Variants in CAMTA1 observed in about 807,000 individuals in gnomAD.
CAMTA1 encodes the protein calmodulin binding transcription activator 1.
In CAMTA1, 27 loss-of-function variants were observed where a neutral mutation model predicts 170.9. The ratio of observed to expected loss-of-function variants is 0.16; its 90% CI spans 0.12 to 0.22. The LOEUF is 0.22. Ranked by LOEUF, CAMTA1 falls within the 10% of genes least tolerant of loss-of-function variation. The probability of loss-of-function intolerance (pLI) is 1.00; values close to 1 mark genes in which losing one functional copy is unlikely to be tolerated. For missense variants in CAMTA1, 1,619 were observed against 2,217.2 expected (o/e 0.73, Z 5.42); for synonymous variants, 833 against 891.5 (o/e 0.93, Z 1.17).
rs1011452408 is a variant in CAMTA1 at position 6,934,145 on chromosome 1, G to A, written c.234+108935G>A. ...ATGAGTGACTGAGGGGCCAGCGCCC[G>A]TGGTCGGCAGAAGGGGAGGTTATTG... On this transcript the variant is annotated intron_variant, in intron 3 of 22. Coordinates refer to ENST00000303635, the MANE Select transcript of CAMTA1 (RefSeq NM_015215.4). The surrounding 1 kb of genome is among the most constrained non-coding windows in gnomAD (Gnocchi z 4.5). Among the ~76,000 whole-genome samples, 10 of 152,208 alleles carry A rather than the reference G, an allele frequency of 6.6e-5. No individual in the cohort carries two copies. The highest frequency in any genetic ancestry group is 3.8e-4 in the East Asian group (2 of 5,196).
intron 3 of CAMTA1, among the ~76,000 whole-genome samples, chr1:6,876,365 A>ATT (rs879507510): frequency 3.4e-5 from 5 of 145,396 alleles, no homozygotes; most frequent in African/African-American, 1.0e-4. Context: ...TAATTAATTA[A>ATT]TTTTTTTTTT....
chr1:7,734,806 G>C (rs560544852), intron 12 of CAMTA1, among the ~76,000 whole-genome samples: 1 of 152,092 alleles, frequency 6.6e-6, no homozygotes, highest in Non-Finnish European at 1.5e-5. Flanking sequence ...TAGTATTTCT[G>C]TAGTAAGTAA....
chr1:7,716,569 A>T (rs1425856923), intron 11 of CAMTA1, among the ~76,000 whole-genome samples: 2 of 152,216 alleles, frequency 1.3e-5, no homozygotes, highest in Non-Finnish European at 2.9e-5. Flanking sequence ...CTCATGTAGA[A>T]TCCAGTATTC....
chr1:7,678,619 T>TG lies in CAMTA1; in HGVS notation c.2914+892dup, dbSNP rs376193072. Among the ~76,000 whole-genome samples, 646 of 152,276 alleles carry TG rather than the reference T, an allele frequency of 4.2e-3. 7 individuals carry two copies. Among genetic ancestry groups the TG allele is most frequent in the African/African-American group, 0.013 (561 of 41,558 alleles). ...AGGAGGCCCAGAGCTAGCCAAGGCC[T>TG]GGGGGGCTGAGCCCAGTACACTGGG... On this transcript the variant is annotated intron_variant, in intron 11 of 22. Transcript: ENST00000303635.
chr1:6,880,136 C>T (rs2149058977), intron 3 of CAMTA1, among the ~76,000 whole-genome samples: 1 of 151,300 alleles, frequency 6.6e-6, no homozygotes, highest in South Asian at 2.1e-4. Flanking sequence ...TTCTGTTGTC[C>T]AGCCTGGAGT....
chr1:7,304,059 G>A (rs928025498), intron 5 of CAMTA1, among the ~76,000 whole-genome samples: 7 of 135,066 alleles, frequency 5.2e-5, no homozygotes, highest in African/African-American at 7.3e-5. Context: ...CAAGGGCTGG[G>A]GGAGGGGAGG....
At chr1:7,227,068 C>T (rs1661840144) in intron 4 of CAMTA1, among the ~76,000 whole-genome samples, 1 of 152,050 alleles carries the variant, frequency 6.6e-6, no homozygotes, top group Non-Finnish European at 1.5e-5. Flanking sequence ...CTACTGACCT[C>T]GTGATCCACC....
chr1:7,483,854 C>T lies in CAMTA1; in HGVS notation c.510+15953C>T, dbSNP rs560388234. 2.4e-4 allele frequency among the ~76,000 whole-genome samples: 36 copies of T among 152,232 alleles called. No individual in the cohort carries two copies. In the Middle Eastern group the frequency reaches 0.01, roughly 43 times the overall value. On this transcript the variant is annotated intron_variant, in intron 6 of 22. Transcript: ENST00000303635. ...GGACCCCAGGGGTGGCTCCTGGAGT[C>T]GGCCAGCCCCTGACCTGGCTCCCGT...
intron 3 of CAMTA1, among the ~76,000 whole-genome samples, chr1:7,030,384 G>A (rs568249078): frequency 6.6e-6 from 1 of 152,034 alleles, no homozygotes; most frequent in African/African-American, 2.4e-5. Context: ...ATGTTGACAC[G>A]TTTTATTATA....
At chr1:7,753,336 C>A (rs543565852) in intron 21 of CAMTA1, among the ~76,000 whole-genome samples, 2 of 152,212 alleles carry the variant, frequency 1.3e-5, no homozygotes, top group Admixed American at 1.3e-4. Flanking sequence ...TCCAGTCTGA[C>A]GTCTGTAACT....
At chr1:7,631,042 C>T (rs1195602529) in intron 6 of CAMTA1, among the ~76,000 whole-genome samples, 2 of 152,214 alleles carry the variant, frequency 1.3e-5, no homozygotes, top group African/African-American at 2.4e-5. Context: ...GTGCTCAGCT[C>T]CAGGGTCCCT....
At chr1:7,078,003 C>T (rs1434163492) in intron 3 of CAMTA1, among the ~76,000 whole-genome samples, 2 of 152,122 alleles carry the variant, frequency 1.3e-5, no homozygotes, top group African/African-American at 2.4e-5. Context: ...CACACACACA[C>T]ACACATACAC....
rs987505541 is a variant in CAMTA1, at chr1:7,341,837, G to T, written c.438+92211G>T. On this transcript the variant is annotated intron_variant, in intron 5 of 22. Coordinates refer to ENST00000303635, the MANE Select transcript of CAMTA1 (RefSeq NM_015215.4). Reference sequence around the variant, plus strand: ...AAATGAGAATTAAGTTTCAGAAGGGGCTCCAGGAGCTGGCCTCCTGGGGAG... The same window carrying T: ...AAATGAGAATTAAGTTTCAGAAGGGTCTCCAGGAGCTGGCCTCCTGGGGAG... Among the ~76,000 whole-genome samples, 9 of 152,288 alleles carry T rather than the reference G, an allele frequency of 5.9e-5. No homozygotes were observed. The South Asian group carries it at 1.9e-3, about 32-fold the overall frequency.
At chr1:6,871,761 C>G (rs544960889) in intron 3 of CAMTA1, 3 of 1,534,926 alleles carry the variant, frequency 2.0e-6, no homozygotes, top group African/African-American at 2.7e-5. Context: ...TTGCAGAGAT[C>G]ATGATGCAGC....
chr1:6,926,703 C>CCTT (rs1683349449), intron 3 of CAMTA1, among the ~76,000 whole-genome samples: 1 of 148,768 alleles, frequency 6.7e-6, no homozygotes, highest in Non-Finnish European at 1.5e-5. Context: ...CTCCTTCTCT[C>CCTT]CTTCCTTCCT....
intron 3 of CAMTA1, among the ~76,000 whole-genome samples, chr1:6,884,599 C>T (rs1261128086): frequency 6.6e-6 from 1 of 152,120 alleles, no homozygotes; most frequent in African/African-American, 2.4e-5. Context: ...TAGTTTGTTG[C>T]CTGCAGTATC....
At chr1:7,363,661 A>C (rs2085737010) in intron 5 of CAMTA1, among the ~76,000 whole-genome samples, 1 of 152,106 alleles carries the variant, frequency 6.6e-6, no homozygotes, top group South Asian at 2.1e-4. Flanking sequence ...CGTGATTAGC[A>C]GGTCTATTTT....
intron 7 of CAMTA1, among the ~76,000 whole-genome samples, chr1:7,655,229 C>CAA (rs2095884284): frequency 1.3e-5 from 2 of 149,506 alleles, no homozygotes; most frequent in East Asian, 2.0e-4. Context: ...TCTATACACA[C>CAA]ACACACCTAT....
intron 3 of CAMTA1, chr1:6,872,046 A>G (rs1668543159): frequency 9.9e-7 from 1 of 1,010,464 alleles, no homozygotes; most frequent in African/African-American, 1.7e-5. Context: ...TCATCCTTTT[A>G]AAATTTAAGT....
Sources: allele counts gnomAD v4.1 joint callset (sites outside exome capture counted in the v4.1 genomes callset), GRCh38; gene constraint gnomAD v4.1.1; non-coding constraint Gnocchi (gnomAD v3.1); transcripts MANE v1.5; gene names NCBI Gene and HGNC (gene_info 2026-07-23, HGNC 2026-07-21).